JAK1: variants seen among roughly 807,000 people sequenced by gnomAD.
The protein encoded by JAK1 is tyrosine-protein kinase JAK1.
A neutral mutation model predicts 136.6 loss-of-function variants in JAK1; 16 were observed. That is an observed-to-expected ratio of 0.12 (90% confidence interval 0.08 to 0.18). The LOEUF (loss-of-function observed/expected upper bound fraction) is 0.18. Among genes scored for constraint, JAK1 ranks in the 10% least tolerant of loss-of-function variants. The pLI is 1.00. For missense variants in JAK1, 859 were observed against 1,450.1 expected (o/e 0.59, Z 6.62); for synonymous variants, 492 against 519.5 (o/e 0.95, Z 0.72).
chr1:65,014,343 G>A (rs1226137469), intron 2 of JAK1, among the ~76,000 whole-genome samples: 1 of 150,632 alleles, frequency 6.6e-6, no homozygotes, highest in Non-Finnish European at 1.5e-5. Flanking sequence ...GTGGGCAGGA[G>A]AGAAGGAGAA....
rs1485581506 is a variant in JAK1 at position 64,879,161 on chromosome 1, A to G, written c.206-13T>C. The stretch of plus-strand genomic sequence containing the variant: ...AGAGGAGAGATACCTGAGGAAAAGT[A>G]AAAAAACACATCAGAAAATCAAGGC... On this transcript the variant is annotated splice_polypyrimidine_tract_variant and intron_variant, in intron 3 of 24. Transcript: ENST00000342505. 6.2e-7 allele frequency: 1 copy of G among 1,613,212 alleles called. No individual in the cohort carries two copies. Among genetic ancestry groups the G allele is most frequent in the Non-Finnish European group, 8.5e-7 (1 of 1,179,486 alleles).
intron 12 of JAK1, chr1:64,848,079 T>C (rs545943215): frequency 9.0e-5 from 15 of 166,764 alleles, no homozygotes; most frequent in South Asian, 3.5e-4. Context: ...CAGGCTGTGC[T>C]ACCCTGTGAA....
chr1:64,989,926 C>T (rs900935176), intron 2 of JAK1: 1 of 152,132 alleles, frequency 6.6e-6, no homozygotes, highest in African/African-American at 2.4e-5. Context: ...CCAGTACACG[C>T]CCAATTGGCA....
At chr1:64,866,347 C>G (rs1432730010) in intron 7 of JAK1, among the ~76,000 whole-genome samples, 2 of 152,182 alleles carry the variant, frequency 1.3e-5, no homozygotes, top group African/African-American at 4.8e-5. Flanking sequence ...ATTTCTTCAT[C>G]CAATAAATAT....
In JAK1 at chr1:64,919,381, G is replaced by A. The variant is rs912692305; in HGVS notation, c.-77-33040C>T. Among the ~76,000 whole-genome samples, 5 of 152,302 alleles carry A rather than the reference G, an allele frequency of 3.3e-5. No individual in the cohort carries two copies. In the East Asian group the frequency reaches 7.7e-4, roughly 23 times the overall value. ...TTATGGTTGCATAGTATTCCATGGTGTATATGTGCCACAGTTTCTTAATCC... is the reference window on the plus strand; with the variant it reads ...TTATGGTTGCATAGTATTCCATGGTATATATGTGCCACAGTTTCTTAATCC... On this transcript the variant is annotated intron_variant, in intron 1 of 24. Transcript: ENST00000342505.
At chr1:65,032,154 C>T (rs770826375) in intron 2 of JAK1, among the ~76,000 whole-genome samples, 7 of 151,432 alleles carry the variant, frequency 4.6e-5, no homozygotes, top group East Asian at 1.9e-4. Context: ...TTAGTAGAGA[C>T]GGGGTTTTGC....
At chr1:64,925,672 C>T (rs1031882955) in intron 1 of JAK1, among the ~76,000 whole-genome samples, 2 of 152,116 alleles carry the variant, frequency 1.3e-5, no homozygotes, top group African/African-American at 2.4e-5. Flanking sequence ...CTAGTAATTC[C>T]GACTAACATC....
chr1:64,979,484 G>A (rs1447360337), intron 2 of JAK1: 2 of 152,220 alleles, frequency 1.3e-5, no homozygotes, highest in Admixed American at 6.5e-5. Flanking sequence ...TATTCTGCTA[G>A]GAGAGTGATA....
In JAK1 at chr1:64,846,955, C is replaced by G; in HGVS notation, c.1900-219G>C. 7.0e-6 allele frequency: 4 copies of G among 571,666 alleles called. No individual in the cohort carries two copies. The South Asian group carries it at 8.9e-5, about 13-fold the overall frequency. The allele number at this position is 571,666 out of a possible 1,614,324, so 35.4% of individuals were successfully genotyped here. ...GGGATGTGAGGTTTATTTAGAAAAC[C>G]TAACAGGATGCAGAGCAGGGCTGGT... is the stretch of plus-strand genomic sequence containing the variant. On this transcript the variant is annotated intron_variant, in intron 13 of 24. Transcript: ENST00000342505.
rs376363336 is a variant in JAK1 at position 65,010,002 on chromosome 1, A to G, written c.-78+34478T>C. On this transcript the variant is annotated intron_variant, in intron 2 of 25. Transcript: ENST00000671954. ...ATTTTCATGTTCATGTACCCACTAG[A>G]CTTTCGACTCCATCATGCAAGGAAT... is the stretch of plus-strand genomic sequence containing the variant. Among the ~76,000 whole-genome samples the G allele has an allele frequency of 1.2e-4, 18 of 152,270 alleles. 1 individual carries two copies. The highest frequency in any genetic ancestry group is 3.3e-4 in the Admixed American group (5 of 15,286).
intron 2 of JAK1, chr1:64,985,716 A>G: frequency 4.3e-6 from 3 of 701,682 alleles, no homozygotes; most frequent in Non-Finnish European, 7.9e-6. Context: ...GAAGAGGCCA[A>G]TAACCAAGTA....
intron 1 of JAK1, among the ~76,000 whole-genome samples, chr1:64,949,748 C>A (rs984547359): frequency 6.6e-6 from 1 of 152,160 alleles, no homozygotes; most frequent in Non-Finnish European, 1.5e-5. Context: ...GAATTACATA[C>A]TAAAGGTCAT....
At chr1:64,875,433 C>T (rs757941654) in intron 4 of JAK1, among the ~76,000 whole-genome samples, 23 of 152,306 alleles carry the variant, frequency 1.5e-4, no homozygotes, top group African/African-American at 3.4e-4. Flanking sequence ...GAGCTGTGCA[C>T]GGAAGCAAAG....
At chr1:65,032,229 G>C (rs1326524355) in intron 2 of JAK1, among the ~76,000 whole-genome samples, 2 of 151,964 alleles carry the variant, frequency 1.3e-5, no homozygotes, top group South Asian at 2.1e-4. Flanking sequence ...GCCTCCCAAA[G>C]TGCTGGGATT....
At chr1:64,881,592 T>G (rs1292327246) in intron 3 of JAK1, among the ~76,000 whole-genome samples, 1 of 152,240 alleles carries the variant, frequency 6.6e-6, no homozygotes, top group East Asian at 1.9e-4. Context: ...TATGTATTTC[T>G]GAAATTGATG....
intron 1 of JAK1, among the ~76,000 whole-genome samples, chr1:64,958,372 A>G (rs888770955): frequency 6.6e-6 from 1 of 152,264 alleles, no homozygotes; most frequent in African/African-American, 2.4e-5. Flanking sequence ...TGATTTTCCC[A>G]AAAAGATAAC....
In JAK1 at chr1:64,869,479, G is replaced by A; in HGVS notation, c.484-5C>T. The stretch of plus-strand genomic sequence containing the variant: ...TTTCACCAAATCATACTGTCCCTAG[G>A]AGCAAGGGGGAGAAACCATGAGAGC... On this transcript the variant is annotated splice_polypyrimidine_tract_variant and splice_region_variant and intron_variant, in intron 5 of 24. Coordinates refer to ENST00000342505, the MANE Select transcript of JAK1 (RefSeq NM_002227.4). 1 of 1,613,030 alleles carries A rather than the reference G, an allele frequency of 6.2e-7. No homozygotes were observed.
intron 1 of JAK1, among the ~76,000 whole-genome samples, chr1:65,057,476 G>T (rs1278223450): frequency 6.6e-6 from 1 of 152,210 alleles, no homozygotes; most frequent in Non-Finnish European, 1.5e-5. Context: ...TGAGGTGGGA[G>T]AATCAATTAA....
At position 64,844,823 on chromosome 1, in the gene JAK1, C is replaced by T. The variant is rs1570621092; in HGVS notation, c.2182G>A (p.Asp728Asn). The T allele has an allele frequency of 1.9e-6, 3 of 1,614,168 alleles. No homozygotes were observed. Among genetic ancestry groups the T allele is most frequent in the African/African-American group, 1.3e-5 (1 of 75,036 alleles). Residue 728 changes from aspartate to asparagine, a missense_variant, in exon 16 of 25, where the codon GAC (aspartate) becomes AAC (asparagine). Physicochemically the swap from Asp to Asn is conservative, Grantham distance 23. Coordinates refer to ENST00000342505, the MANE Select transcript of JAK1 (RefSeq NM_002227.4). This position sits in a 1 kb window ranked among gnomAD's most constrained non-coding sequence, Gnocchi z 5.7. The part of the protein sequence containing the change: ...KNLLLAREGI[D>N]SECGPFIKLS... ...TTGATGAATGGGCCACACTCACTGT[C>T]GATGCCCTCACGGGCCAGGAGGAGG...
Sources: allele counts gnomAD v4.1 joint callset (sites outside exome capture counted in the v4.1 genomes callset), GRCh38; gene constraint gnomAD v4.1.1; non-coding constraint Gnocchi (gnomAD v3.1); transcripts MANE v1.5; gene names NCBI Gene and HGNC (gene_info 2026-07-23, HGNC 2026-07-21).